The following SYT16 variants were observed in gnomAD, a reference collection of about 807,000 sequenced individuals.
SYT16 encodes the protein synaptotagmin 16.
A neutral mutation model predicts 61.4 loss-of-function variants in SYT16; 42 were observed. The observed-to-expected ratio is 0.68, with a 90% confidence interval of 0.53 to 0.89. SYT16 has a LOEUF of 0.89. Ranked by LOEUF, SYT16 falls within the 40% of genes least tolerant of loss-of-function variation. SYT16 has a pLI of 0.00. For missense variants in SYT16, 804 were observed against 807.3 expected (o/e 1.00, Z 0.05); for synonymous variants, 314 against 302.3 (o/e 1.04, Z -0.40).
chr14:61,973,708 C>A (rs1014545768), intron 2 of SYT16, among the ~76,000 whole-genome samples: 1 of 151,964 alleles, frequency 6.6e-6, no homozygotes. Flanking sequence ...TAGGAGTTGG[C>A]GCAAAGAGTT....
chr14:61,980,731 A>G (rs1219301923), intron 2 of SYT16, among the ~76,000 whole-genome samples: 1 of 152,220 alleles, frequency 6.6e-6, no homozygotes, highest in African/African-American at 2.4e-5. Flanking sequence ...GAAAAACAAA[A>G]CCAAACGTAA....
intron 1 of SYT16, among the ~76,000 whole-genome samples, chr14:61,926,118 C>T (rs1279561360): frequency 2.0e-5 from 3 of 152,024 alleles, no homozygotes; most frequent in African/African-American, 4.8e-5. Flanking sequence ...TGGGAGATAT[C>T]GGGGTTTCAT....
chr14:61,914,735 C>T (rs1057195809), intron 1 of SYT16, among the ~76,000 whole-genome samples: 2 of 152,192 alleles, frequency 1.3e-5, no homozygotes, highest in Non-Finnish European at 2.9e-5. Flanking sequence ...TGCTTTTACC[C>T]AGTTATAAGC....
chr14:61,850,213 C>T (rs1389588243), intron 1 of SYT16, among the ~76,000 whole-genome samples: 3 of 151,596 alleles, frequency 2.0e-5, no homozygotes, highest in African/African-American at 7.3e-5. Flanking sequence ...CGGCTCACTG[C>T]AACCTCTGCC....
At chr14:61,980,037 C>T (rs917363042) in intron 2 of SYT16, among the ~76,000 whole-genome samples, 6 of 152,168 alleles carry the variant, frequency 3.9e-5, no homozygotes, top group Non-Finnish European at 7.4e-5. Context: ...AAGCCCTCCA[C>T]TTTTATAGTT....
At chr14:61,899,248 GT>G (rs10717360) in intron 1 of SYT16, among the ~76,000 whole-genome samples, 138,253 of 152,212 alleles carry the variant, frequency 0.91, 62,922 homozygotes, top group East Asian at 0.98. Flanking sequence ...AGTCCAGGTA[GT>G]TATGACTTCA....
chr14:61,941,107 G>T (rs1042655495), intron 1 of SYT16, among the ~76,000 whole-genome samples: 4 of 152,192 alleles, frequency 2.6e-5, no homozygotes, highest in Non-Finnish European at 4.4e-5. Context: ...GTTAGCTTGG[G>T]ATCTATAGAC....
Position 62,081,247 on chromosome 14 carries a change from G to T in SYT16, c.1407G>T (p.Leu469=), listed in dbSNP as rs1489145960. The stretch of plus-strand genomic sequence containing the variant: ...CAGAAGGGGAAATGAAAGTGACTCT[G>T]GTTCTGGAGCCAAGAAGTAATATAA... ...LHPEGEMKVT[L]VLEPRSNISS... is the part of the protein sequence containing the mutation. Residue 469 remains leucine, a synonymous_variant, in exon 6 of 8, where the codon CTG becomes CTT. Coordinates refer to ENST00000683842, the MANE Select transcript of SYT16 (RefSeq NM_001367656.1). 1.2e-6 allele frequency: 2 copies of T among 1,613,740 alleles called. No individual in the cohort carries two copies. Among genetic ancestry groups the T allele is most frequent in the Admixed American group, 3.3e-5 (2 of 59,998 alleles).
chr14:61,891,856 TTA>T (rs2140339093), intron 1 of SYT16, among the ~76,000 whole-genome samples: 1 of 152,348 alleles, frequency 6.6e-6, no homozygotes, highest in East Asian at 1.9e-4. Flanking sequence ...TGTTATATAA[TTA>T]TGTGTCCATG....
chr14:62,007,919 TA>T (rs904405611), intron 3 of SYT16, among the ~76,000 whole-genome samples: 1 of 151,348 alleles, frequency 6.6e-6, no homozygotes, highest in East Asian at 1.9e-4. Context: ...AATTTTTTTT[TA>T]AAAAAGCTCA....
At chr14:61,937,788 C>G (rs2050041054) in intron 1 of SYT16, among the ~76,000 whole-genome samples, 1 of 152,170 alleles carries the variant, frequency 6.6e-6, no homozygotes, top group African/African-American at 2.4e-5. Flanking sequence ...AGGATGGAAA[C>G]TTGTCCCTAA....
intron 3 of SYT16, among the ~76,000 whole-genome samples, chr14:62,051,024 A>T (rs768199823): frequency 3.9e-5 from 6 of 152,368 alleles, no homozygotes; most frequent in East Asian, 1.9e-4. Context: ...TTACGTCTGT[A>T]GAGGTTACTG....
intron 1 of SYT16, among the ~76,000 whole-genome samples, chr14:61,924,005 A>C (rs575511505): frequency 6.6e-6 from 1 of 152,328 alleles, no homozygotes; most frequent in South Asian, 2.1e-4. Flanking sequence ...GTTAATACAA[A>C]GTGCTATACA....
chr14:62,031,849 A>G (rs2140807431), intron 3 of SYT16, among the ~76,000 whole-genome samples: 1 of 152,262 alleles, frequency 6.6e-6, no homozygotes. Flanking sequence ...TCACCCAAAG[A>G]GGAAGGCTTT....
intron 1 of SYT16, among the ~76,000 whole-genome samples, chr14:61,845,479 G>A (rs1344267398): frequency 6.6e-6 from 1 of 152,116 alleles, no homozygotes; most frequent in Non-Finnish European, 1.5e-5. Context: ...CAATTTATTG[G>A]CATATAGTTG....
chr14:62,065,151 A>G (rs1255148912), intron 3 of SYT16, among the ~76,000 whole-genome samples: 2 of 152,230 alleles, frequency 1.3e-5, no homozygotes, highest in Non-Finnish European at 2.9e-5. Flanking sequence ...GGGTGGAAGC[A>G]GGAGAGCTCC....
chr14:61,968,411 A>G (rs530619162), intron 1 of SYT16, among the ~76,000 whole-genome samples: 1 of 152,312 alleles, frequency 6.6e-6, no homozygotes, highest in East Asian at 1.9e-4. Flanking sequence ...CATGCAAATG[A>G]GAAAGACACT....
At chr14:62,033,964 T>G (rs2054405567) in intron 3 of SYT16, among the ~76,000 whole-genome samples, 1 of 152,102 alleles carries the variant, frequency 6.6e-6, no homozygotes, top group Non-Finnish European at 1.5e-5. Flanking sequence ...TTATATCTAG[T>G]AAGGGACATG....
intron 2 of SYT16, among the ~76,000 whole-genome samples, chr14:61,982,617 A>G (rs2052133007): frequency 6.6e-6 from 1 of 152,144 alleles, no homozygotes; most frequent in Non-Finnish European, 1.5e-5. Context: ...TTGGGTGGGG[A>G]CATAGCCAAA....
Sources: gnomAD v4.1 joint callset for allele counts (sites outside exome capture counted in the v4.1 genomes callset) on GRCh38, gnomAD v4.1.1 for gene constraint, MANE v1.5 for transcripts, NCBI Gene and HGNC (gene_info 2026-07-23, HGNC 2026-07-21) for gene names.